Variants in MYO18A observed in about 807,000 individuals in gnomAD.
MYO18A encodes unconventional myosin-XVIIIa.
Under a neutral mutation model 235.8 loss-of-function variants are expected in MYO18A, and 78 were observed. The ratio of observed to expected loss-of-function variants is 0.33; its 90% CI spans 0.28 to 0.40. The LOEUF is 0.40. Ranked by LOEUF, MYO18A falls within the 10% of genes least tolerant of loss-of-function variation. The probability of loss-of-function intolerance (pLI) is 1.00; values close to 1 mark genes in which losing one functional copy is unlikely to be tolerated. For missense variants in MYO18A, 2,215 were observed against 2,699.3 expected, an observed-to-expected ratio of 0.82 and a Z score of 3.98; for synonymous variants, 977 against 1,077.8, an observed-to-expected ratio of 0.91 and a Z score of 1.83.
In MYO18A at chr17:29,119,361, C is replaced by G. The variant is rs748814568; in HGVS notation, c.1803G>C (p.Leu601=). 3 of 1,612,792 alleles carry G rather than the reference C, an allele frequency of 1.9e-6. No homozygotes were observed. Among genetic ancestry groups the G allele is most frequent in the Non-Finnish European group, 2.5e-6 (3 of 1,179,506 alleles). Reference sequence around the variant, plus strand: ...TGAGGGTGCCATCCCCACAGGCCAGCAGGTAGTAGAAGACGTTGAATGTGG... The same window carrying G: ...TGAGGGTGCCATCCCCACAGGCCAGGAGGTAGTAGAAGACGTTGAATGTGG... ...SEATFNVFYY[L]LACGDGTLRT... The change falls in exon 8 of 42, where the codon CTG becomes CTC. Residue 601 remains leucine, a synonymous_variant. Transcript: ENST00000527372.
chr17:29,142,545 T>C (rs1253984824), intron 2 of MYO18A, among the ~76,000 whole-genome samples: 1 of 152,218 alleles, frequency 6.6e-6, no homozygotes, highest in African/African-American at 2.4e-5. Context: ...CCCTGGGGAC[T>C]TGTTGGAAAT....
At chr17:29,081,337 C>G (rs971797562) in intron 41 of MYO18A, among the ~76,000 whole-genome samples, 1 of 152,214 alleles carries the variant, frequency 6.6e-6, no homozygotes, top group Non-Finnish European at 1.5e-5. Context: ...CGTGCCATGC[C>G]GTGGTGAACC....
chr17:29,136,250 A>AAAAATATATAT (rs1483354837), intron 2 of MYO18A, among the ~76,000 whole-genome samples: 1 of 82,472 alleles, frequency 1.2e-5, no homozygotes, highest in African/African-American at 4.6e-5. Context: ...AAAAAAAAAA[A>AAAAATATATAT]ATATATATAT....
At chr17:29,108,286 GTGTC>G (rs1598314951) in intron 19 of MYO18A, among the ~76,000 whole-genome samples, 1 of 152,168 alleles carries the variant, frequency 6.6e-6, no homozygotes, top group African/African-American at 2.4e-5. Flanking sequence ...TCCCTGAAGA[GTGTC>G]TGGGCTTCAG....
At chr17:29,076,445 G>A (rs2065982365) in intron 41 of MYO18A, 2 of 151,964 alleles carry the variant, frequency 1.3e-5, no homozygotes, top group African/African-American at 4.8e-5. Flanking sequence ...GGGAAAGGAA[G>A]AGGCTGATAG....
chr17:29,097,446 G>A, intron 26 of MYO18A, 96 bp from the exon 27 acceptor site: 1 of 1,507,274 alleles, frequency 6.6e-7, no homozygotes, highest in Non-Finnish European at 9.0e-7. Flanking sequence ...GCAGCAGGTG[G>A]AGTCAGCCAG....
chr17:29,174,525 A>T (rs778291587), intron 1 of MYO18A, among the ~76,000 whole-genome samples: 9 of 152,076 alleles, frequency 5.9e-5, no homozygotes, highest in Non-Finnish European at 8.8e-5. Flanking sequence ...AAATAAAAAA[A>T]AATAAAATGC....
chr17:29,147,099 T>C (rs1236147931), intron 2 of MYO18A, among the ~76,000 whole-genome samples: 1 of 152,210 alleles, frequency 6.6e-6, no homozygotes, highest in East Asian at 1.9e-4. Flanking sequence ...GGCCAGGTGA[T>C]TTGAACTCAG....
Position 29,166,346 on chromosome 17 carries a change from T to G in MYO18A, c.595A>C (p.Lys199Gln). 1 of 1,612,996 alleles carries G rather than the reference T, an allele frequency of 6.2e-7. No homozygotes were observed. Among genetic ancestry groups the G allele is most frequent in the Admixed American group, 1.7e-5 (1 of 60,026 alleles). Residue 199 changes from lysine (K) to glutamine (Q), a missense_variant, in exon 2 of 42, where the codon AAA becomes CAA. Physicochemically the swap from Lys to Gln is moderately conservative, Grantham distance 53. Transcript: ENST00000527372. Reference sequence around the variant, plus strand: ...AGGCGCAGGTCGACTGGGAACTTTTTAGTCACTAGCTCAGGGGCTCGGGAT... The same window carrying G: ...AGGCGCAGGTCGACTGGGAACTTTTGAGTCACTAGCTCAGGGGCTCGGGAT... ...HRSRAPELVTKKFPVDLRLPP... is the reference protein window; with the variant it reads ...HRSRAPELVTQKFPVDLRLPP...
rs2066809795 is a variant in MYO18A at position 29,107,184 on chromosome 17, G to A, written c.3337C>T (p.Pro1113Ser). 1 of 1,613,934 alleles carries A rather than the reference G, an allele frequency of 6.2e-7. No homozygotes were observed. Among genetic ancestry groups the A allele is most frequent in the Non-Finnish European group, 8.5e-7 (1 of 1,179,868 alleles). ...DAMRMYRQGY[P>S]DHMVFSEFRR... ...AACTCGGAAAACACCATGTGGTCAG[G>A]GTAACCTAGAGAGAGCAGCCCAGAG... Residue 1113 changes from proline to serine, a missense_variant, in exon 20 of 42, where the codon CCT becomes TCT. Transcript: ENST00000527372.
intron 37 of MYO18A, among the ~76,000 whole-genome samples, chr17:29,088,339 C>A (rs1426695901): frequency 1.8e-4 from 27 of 151,742 alleles, no homozygotes; most frequent in Non-Finnish European, 2.6e-4. Flanking sequence ...CAGGCATGAG[C>A]CACCGCGCCC....
chr17:29,120,553 G>T lies in MYO18A; in HGVS notation c.1728+63C>A. 1 of 1,558,830 alleles carries T rather than the reference G, an allele frequency of 6.4e-7. No individual in the cohort carries two copies. The highest frequency in any genetic ancestry group is 8.7e-7 in the Non-Finnish European group (1 of 1,149,908). On this transcript the variant is annotated intron_variant, in intron 7 of 41. Transcript: ENST00000527372. This position sits in a 1 kb window ranked among gnomAD's most constrained non-coding sequence, Gnocchi z 4.2. ...AATGAGGCATGGGAGAGAGCCTGAT[G>T]TCTAGGTCATGAAATCATGTGGCCT...
chr17:29,113,115 A>G lies in MYO18A; in HGVS notation c.2598+896T>C, dbSNP rs376686595. ...CACAACGGTTCTGAGTGAGGCCACC[A>G]TAGGAGCCCAGGTGTCAGGAAAAGA... On this transcript the variant is annotated intron_variant, in intron 15 of 41. Coordinates refer to ENST00000527372, the MANE Select transcript of MYO18A (RefSeq NM_078471.4). Among the ~76,000 whole-genome samples, 6 of 152,308 alleles carry G rather than the reference A, an allele frequency of 3.9e-5. No individual in the cohort carries two copies. The South Asian group carries it at 6.2e-4, about 16-fold the overall frequency.
Position 29,121,505 on chromosome 17 carries a change from G to A in MYO18A, c.1371+42C>T, listed in dbSNP as rs2067198420. On this transcript the variant is annotated intron_variant, in intron 5 of 41. Coordinates refer to ENST00000527372, the MANE Select transcript of MYO18A (RefSeq NM_078471.4). The surrounding 1 kb of genome is among the most constrained non-coding windows in gnomAD (Gnocchi z 4.2). ...GAAGGGCAGAGAGCCAGGGCAGGGG[G>A]TGGGACCAGGAGTCTGCAGGGTAGC... is the stretch of plus-strand genomic sequence containing the variant. 2 of 1,544,816 alleles carry A rather than the reference G, an allele frequency of 1.3e-6. No homozygotes were observed. The highest frequency in any genetic ancestry group is 4.0e-5 in the Admixed American group (2 of 50,440).
rs2067185702 is a variant in MYO18A, at chr17:29,121,018, C to T, written c.1565G>A (p.Ser522Asn). 1 of 1,611,958 alleles carries T rather than the reference C, an allele frequency of 6.2e-7. No homozygotes were observed. Among genetic ancestry groups the T allele is most frequent in the Admixed American group, 1.7e-5 (1 of 59,792 alleles). The change falls in exon 6 of 42, where the codon AGC (serine) becomes AAC (asparagine). Residue 522 changes from serine to asparagine, a missense_variant. Transcript: ENST00000527372. The surrounding 1 kb of genome is among the most constrained non-coding windows in gnomAD (Gnocchi z 4.2). ...VQYLATIAGI[S>N]GNKVFSVEKW... ...CTCACCAGAAAACACCTTGTTCCCG[C>T]TGATGCCCGCGATGGTGGCCAGGTA... is the stretch of plus-strand genomic sequence containing the variant.
chr17:29,122,298 A>G, intron 2 of MYO18A, 45 bp from the exon 3 acceptor site: 1 of 1,558,528 alleles, frequency 6.4e-7, no homozygotes, highest in South Asian at 1.2e-5. Context: ...TATGGAAGAC[A>G]GGGACAAGGA....
At position 29,072,862 on chromosome 17, in the gene MYO18A, T is replaced by A. The variant is rs1195386531; in HGVS notation, c.*1908A>T. Reference sequence around the variant, plus strand: ...GTCATTTGTTTCTTGCCTTTCTGCATGAGCTGCCTCTTAGCTGTCAATGAA... The same window carrying A: ...GTCATTTGTTTCTTGCCTTTCTGCAAGAGCTGCCTCTTAGCTGTCAATGAA... On this transcript the variant is annotated 3_prime_UTR_variant, in exon 42 of 42. Transcript: ENST00000527372. The A allele has an allele frequency of 6.6e-6, 1 of 152,284 alleles. No homozygotes were observed. The highest frequency in any genetic ancestry group is 1.5e-5 in the Non-Finnish European group (1 of 68,108). 9.4% of individuals were successfully genotyped at this position (152,284 alleles called of 1,614,324 possible).
Position 29,071,932 on chromosome 17 carries a change from G to GTCATGAAATATTTC in MYO18A, c.*2824_*2837dup, listed in dbSNP as rs2065888310. The GTCATGAAATATTTC allele has an allele frequency of 6.6e-6, 1 of 152,262 alleles. No individual in the cohort carries two copies. Among genetic ancestry groups the GTCATGAAATATTTC allele is most frequent in the Non-Finnish European group, 1.5e-5 (1 of 68,054 alleles). 9.4% of individuals were successfully genotyped at this position (152,262 alleles called of 1,614,324 possible). On this transcript the variant is annotated 3_prime_UTR_variant, in exon 42 of 42. Coordinates refer to ENST00000527372, the MANE Select transcript of MYO18A (RefSeq NM_078471.4). Reference sequence around the variant, plus strand: ...GAATGGGGCCTAGGCACAGCAGGCAGTCATGAAATATTTCTCAACTGTTAA... The same window carrying GTCATGAAATATTTC: ...GAATGGGGCCTAGGCACAGCAGGCAGTCATGAAATATTTCTCATGAAATATTTCTCAACTGTTAA...
chr17:29,075,066 G>T, intron 41 of MYO18A, 152 bp from the exon 42 acceptor site: 3 of 848,034 alleles, frequency 3.5e-6, no homozygotes, highest in Non-Finnish European at 5.4e-6. Flanking sequence ...TTACTTAGAA[G>T]ATACTCAAAA....
Sources: gnomAD v4.1 joint callset for allele counts (sites outside exome capture counted in the v4.1 genomes callset) on GRCh38, gnomAD v4.1.1 for gene constraint, Gnocchi (gnomAD v3.1) non-coding constraint, MANE v1.5 for transcripts, NCBI Gene and HGNC (gene_info 2026-07-23, HGNC 2026-07-21) for gene names.